The following STK32A variants were observed in gnomAD, a reference collection of about 807,000 sequenced individuals.
The protein encoded by STK32A is serine/threonine-protein kinase 32A.
STK32A carries 41 observed loss-of-function variants against 53.2 expected under a neutral mutation model. The observed-to-expected ratio is 0.77, with a 90% CI of 0.60 to 1.00. The LOEUF (loss-of-function observed/expected upper bound fraction) is 1.00, where lower values mean the gene tolerates loss of function less well. STK32A is among the 50% of genes least tolerant of loss of function. STK32A has a pLI of 0.00. For synonymous variants in STK32A, 166 were observed against 162.8 expected (o/e 1.02, Z -0.15); for missense variants, 458 against 485.8 (o/e 0.94, Z 0.54).
At chr5:147,255,451 G>T (rs946812366) in intron 2 of STK32A, among the ~76,000 whole-genome samples, 1 of 152,150 alleles carries the variant, frequency 6.6e-6, no homozygotes, top group Non-Finnish European at 1.5e-5. Context: ...TTACGGCTGC[G>T]AGGGAAGTAA....
intron 12 of STK32A, 77 bp downstream of exon 12, chr5:147,383,582 TA>T (rs1186394311): frequency 1.7e-6 from 2 of 1,150,116 alleles, no homozygotes; most frequent in African/African-American, 3.2e-5. Context: ...AGAGAAAATA[TA>T]TTTTTAACAT....
At position 147,240,363 on chromosome 5, in the gene STK32A, A is replaced by G. The variant is rs575525159; in HGVS notation, c.52+677A>G. The stretch of plus-strand genomic sequence containing the variant: ...CAGCTGTTTATAGGTTGTCTGGGGG[A>G]AAAAAATGCCCCAAGCCCCAGGTAG... On this transcript the variant is annotated intron_variant, in intron 2 of 12. Coordinates refer to ENST00000397936, the MANE Select transcript of STK32A (RefSeq NM_001112724.2). Among the ~76,000 whole-genome samples, 7 of 152,054 alleles carry G rather than the reference A, an allele frequency of 4.6e-5. No individual in the cohort carries two copies. The South Asian group carries it at 1.5e-3, about 32-fold the overall frequency.
At chr5:147,374,529 T>C (rs886968545) in intron 10 of STK32A, among the ~76,000 whole-genome samples, 4 of 152,140 alleles carry the variant, frequency 2.6e-5, no homozygotes, top group African/African-American at 7.2e-5. Context: ...TGTACCATAA[T>C]TGACACATGA....
the STK32A span, among the ~76,000 whole-genome samples, chr5:147,395,292 C>G: frequency 6.6e-6 from 1 of 152,182 alleles, no homozygotes; most frequent in Admixed American, 6.5e-5. Flanking sequence ...CCGACCCTGC[C>G]CCCAACCAGG....
At chr5:147,367,940 A>G (rs1434493524) in intron 8 of STK32A, among the ~76,000 whole-genome samples, 3 of 152,234 alleles carry the variant, frequency 2.0e-5, no homozygotes, top group East Asian at 3.9e-4. Flanking sequence ...ACAAGCATCA[A>G]TACAACTCAA....
At chr5:147,296,994 T>C (rs1245934485) in intron 4 of STK32A, among the ~76,000 whole-genome samples, 1 of 152,202 alleles carries the variant, frequency 6.6e-6, no homozygotes, top group Admixed American at 6.5e-5. Context: ...GAAAGCCTAT[T>C]TTACCTGAGG....
chr5:147,261,727 G>T (rs930606127), intron 2 of STK32A, among the ~76,000 whole-genome samples: 3 of 152,116 alleles, frequency 2.0e-5, no homozygotes, highest in African/African-American at 7.2e-5. Flanking sequence ...TTAGAGCATA[G>T]CATCTTTTAT....
downstream of STK32A, chr5:147,391,020 C>T (rs1171819264): frequency 6.5e-6 from 1 of 152,746 alleles, no homozygotes; most frequent in Non-Finnish European, 1.5e-5. Context: ...AACACCCACA[C>T]ACCAGTTTTC....
At chr5:147,284,136 G>A (rs915870540) in intron 4 of STK32A, among the ~76,000 whole-genome samples, 1 of 152,078 alleles carries the variant, frequency 6.6e-6, no homozygotes, top group Non-Finnish European at 1.5e-5. Flanking sequence ...GTCAATAAAT[G>A]TGACACACCA....
chr5:147,366,097 A>G (rs2152000858), intron 8 of STK32A, among the ~76,000 whole-genome samples: 1 of 151,402 alleles, frequency 6.6e-6, no homozygotes, highest in South Asian at 2.1e-4. Flanking sequence ...ACCCCCGCCC[A>G]CTCCCCACAA....
chr5:147,373,228 G>GT lies in STK32A; in HGVS notation c.838dup (p.Tyr280LeufsTer4). 1 of 1,613,332 alleles carries GT rather than the reference G, an allele frequency of 6.2e-7. No individual in the cohort carries two copies. The highest frequency in any genetic ancestry group is 8.5e-7 in the Non-Finnish European group (1 of 1,179,558). On this transcript the variant is annotated frameshift_variant, in exon 10 of 13. Coordinates refer to ENST00000397936, the MANE Select transcript of STK32A (RefSeq NM_001112724.2). LOFTEE classifies it high-confidence loss of function. ...AGTTATCTGATGTCCAGAACTTCCC[G>GT]TATATGAATGATATAAACTGGGATG...
intron 2 of STK32A, among the ~76,000 whole-genome samples, chr5:147,273,072 G>A (rs1471568159): frequency 2.6e-5 from 4 of 152,132 alleles, no homozygotes; most frequent in African/African-American, 9.7e-5. Flanking sequence ...CTTCTACAAG[G>A]GTCTTCTCTG....
At chr5:147,257,045 TGA>T (rs1007358167) in intron 2 of STK32A, among the ~76,000 whole-genome samples, 3 of 152,110 alleles carry the variant, frequency 2.0e-5, no homozygotes, top group Non-Finnish European at 4.4e-5. Context: ...GGAAGAAATT[TGA>T]GAGTTTGAGA....
At position 147,327,187 on chromosome 5, in the gene STK32A, A is replaced by G. The variant is rs533774184; in HGVS notation, c.434+3116A>G. Among the ~76,000 whole-genome samples the G allele has an allele frequency of 2.0e-5, 3 of 152,306 alleles. No individual in the cohort carries two copies. The East Asian group carries it at 5.8e-4, about 29-fold the overall frequency. ...AATTTAAATGATAATAACTTTGTCAATCTGAGACTAAGAACTCCTGGGCCA... is the reference window on the plus strand; with the variant it reads ...AATTTAAATGATAATAACTTTGTCAGTCTGAGACTAAGAACTCCTGGGCCA... On this transcript the variant is annotated intron_variant, in intron 5 of 12. Transcript: ENST00000397936.
intron 7 of STK32A, among the ~76,000 whole-genome samples, chr5:147,356,956 T>A (rs1464551620): frequency 6.6e-6 from 1 of 152,174 alleles, no homozygotes; most frequent in Non-Finnish European, 1.5e-5. Context: ...TTTCATTCAA[T>A]AATAATAGTG....
chr5:147,346,072 A>T (rs1410286503), intron 6 of STK32A, among the ~76,000 whole-genome samples: 1 of 152,184 alleles, frequency 6.6e-6, no homozygotes, highest in East Asian at 1.9e-4. Flanking sequence ...ACTCTCAGAC[A>T]TTACTCAAGG....
In STK32A at chr5:147,343,058, T is replaced by A; in HGVS notation, c.472+15T>A. 6.2e-7 allele frequency: 1 copy of A among 1,613,194 alleles called. No individual in the cohort carries two copies. ...TGACGAACATGGTAAGTGAGTGATT[T>A]GTTTGCAATCAAGTACATGACATGC... On this transcript the variant is annotated intron_variant, in intron 6 of 12. Coordinates refer to ENST00000397936, the MANE Select transcript of STK32A (RefSeq NM_001112724.2).
chr5:147,297,881 T>C (rs1581056497), intron 4 of STK32A, among the ~76,000 whole-genome samples: 1 of 150,946 alleles, frequency 6.6e-6, no homozygotes, highest in African/African-American at 2.4e-5. Context: ...TCAGGAGGCT[T>C]AGGCAGGAGA....
chr5:147,258,921 T>TTATTA (rs1561673496), intron 2 of STK32A, among the ~76,000 whole-genome samples: 1 of 151,886 alleles, frequency 6.6e-6, no homozygotes, highest in Non-Finnish European at 1.5e-5. Context: ...ATGGCTTTTT[T>TTATTA]TTATTATTAT....
Sources: gnomAD v4.1 joint callset for allele counts (sites outside exome capture counted in the v4.1 genomes callset) on GRCh38, gnomAD v4.1.1 for gene constraint, MANE v1.5 for transcripts, NCBI Gene and HGNC (gene_info 2026-07-23, HGNC 2026-07-21) for gene names.